LCLAT1: variants seen among roughly 807,000 people sequenced by gnomAD.
The protein encoded by LCLAT1 is lysocardiolipin acyltransferase 1.
LCLAT1 carries 11 observed loss-of-function variants against 30.7 expected under a neutral mutation model. The observed-to-expected ratio is 0.36, with a 90% CI of 0.23 to 0.59. LCLAT1 has a LOEUF of 0.59. LCLAT1 is among the 20% of genes least tolerant of loss of function. LCLAT1 has a pLI of 0.77. For missense variants in LCLAT1, 402 were observed against 458.6 expected, an observed-to-expected ratio of 0.88 and a Z score of 1.13; for synonymous variants, 155 against 151.3, an observed-to-expected ratio of 1.02 and a Z score of -0.18.
chr2:30,547,152 A>C (rs777423425), intron 3 of LCLAT1, among the ~76,000 whole-genome samples: 6 of 152,062 alleles, frequency 3.9e-5, no homozygotes, highest in Non-Finnish European at 7.4e-5. Context: ...CCTGGAATGA[A>C]TCTCTGCAGC....
chr2:30,451,508 G>T (rs1273166266), intron 1 of LCLAT1, among the ~76,000 whole-genome samples: 3 of 152,230 alleles, frequency 2.0e-5, no homozygotes, highest in South Asian at 2.1e-4. Flanking sequence ...TTGTACATCA[G>T]CAGTAGAATG....
intron 3 of LCLAT1, among the ~76,000 whole-genome samples, chr2:30,537,722 A>G (rs1020243777): frequency 2.6e-5 from 4 of 152,228 alleles, no homozygotes; most frequent in African/African-American, 9.6e-5. Context: ...AAACTGCATT[A>G]TAGACCAAGT....
At chr2:30,607,872 TGTGTGTGTGTGTGTGTGTGTGTGTG>T (rs1667531022) in intron 5 of LCLAT1, 1 of 110,340 alleles carries the variant, frequency 9.1e-6, no homozygotes, top group African/African-American at 4.3e-5. Context: ...TGTGTGTGTG[TGTGTGTGTGTGTGTGTGTGTGTGTG>T]TGTCTTAATT....
intron 1 of LCLAT1, among the ~76,000 whole-genome samples, chr2:30,494,565 TAC>T (rs10657216): frequency 1.3e-5 from 2 of 151,662 alleles, no homozygotes; most frequent in Non-Finnish European, 2.9e-5. Flanking sequence ...CATACGTGCA[TAC>T]ACACATGCAT....
At chr2:30,527,826 T>A (rs893366350) in intron 2 of LCLAT1, among the ~76,000 whole-genome samples, 10 of 152,136 alleles carry the variant, frequency 6.6e-5, no homozygotes, top group African/African-American at 2.4e-4. Flanking sequence ...TTAATTTTAG[T>A]TTTAGTTTTA....
intron 5 of LCLAT1, among the ~76,000 whole-genome samples, chr2:30,573,441 A>G (rs1011617455): frequency 3.3e-5 from 5 of 152,168 alleles, no homozygotes; most frequent in African/African-American, 1.2e-4. Context: ...TACTGGAGTA[A>G]GGTCTCACAG....
At position 30,552,435 on chromosome 2, in the gene LCLAT1, A is replaced by G. The variant is rs1057464006; in HGVS notation, c.365-9711A>G. 1.3e-4 allele frequency: 50 copies of G among 392,574 alleles called. 1 individual carries two copies. Among genetic ancestry groups the G allele is most frequent in the South Asian group, 9.2e-4 (50 of 54,456 alleles). The allele number at this position is 392,574 out of a possible 1,614,324, so 24.3% of individuals were successfully genotyped here. On this transcript the variant is annotated intron_variant, in intron 3 of 5. Coordinates refer to ENST00000379509, the MANE Select transcript of LCLAT1 (RefSeq NM_001002257.3). ...TATTTAGAATTAAGTTTGTTAGAGT[A>G]TTATGTAATTATTACTTGCTCATAT...
intron 1 of LCLAT1, among the ~76,000 whole-genome samples, chr2:30,493,443 A>C (rs1683931263): frequency 6.6e-6 from 1 of 152,234 alleles, no homozygotes; most frequent in Non-Finnish European, 1.5e-5. Flanking sequence ...TTCATGAGCT[A>C]AAAACTGTGG....
chr2:30,604,155 A>G (rs1312398190), intron 5 of LCLAT1, among the ~76,000 whole-genome samples: 1 of 152,130 alleles, frequency 6.6e-6, no homozygotes, highest in African/African-American at 2.4e-5. Flanking sequence ...AGCAGATGTA[A>G]TGAGTGTCAT....
chr2:30,583,989 G>A (rs1004021152), intron 5 of LCLAT1, among the ~76,000 whole-genome samples: 8 of 151,982 alleles, frequency 5.3e-5, no homozygotes, highest in African/African-American at 1.5e-4. Context: ...GTGGTTTGCC[G>A]CACCTGTTGA....
At chr2:30,570,168 A>G (rs1351663121) in intron 5 of LCLAT1, among the ~76,000 whole-genome samples, 1 of 152,186 alleles carries the variant, frequency 6.6e-6, no homozygotes, top group Non-Finnish European at 1.5e-5. Context: ...GTTAATGTAT[A>G]TTAGTCATCA....
At chr2:30,474,291 A>G (rs1008811344) in intron 1 of LCLAT1, among the ~76,000 whole-genome samples, 1 of 152,354 alleles carries the variant, frequency 6.6e-6, no homozygotes, top group Middle Eastern at 3.4e-3. Flanking sequence ...CCCATAGTCT[A>G]TACAGTGTTG....
rs1253055229 is a variant in LCLAT1, at chr2:30,640,199, A to T, written c.711A>T (p.Gly237=). The part of the protein sequence containing the change: ...IPQSEKHLLQ[G]DFPREIHFHV... ...AATCAGAGAAGCACCTCCTCCAAGG[A>T]GACTTTCCCAGGGAAATCCACTTTC... The change falls in exon 6 of 6, where the codon GGA becomes GGT. Residue 237 remains glycine, a synonymous_variant. Coordinates refer to ENST00000379509, the MANE Select transcript of LCLAT1 (RefSeq NM_001002257.3). 1 of 1,614,014 alleles carries T rather than the reference A, an allele frequency of 6.2e-7. No individual in the cohort carries two copies. Among genetic ancestry groups the T allele is most frequent in the Admixed American group, 1.7e-5 (1 of 60,008 alleles).
chr2:30,531,626 G>C (rs1037453071), intron 2 of LCLAT1, among the ~76,000 whole-genome samples: 1 of 152,140 alleles, frequency 6.6e-6, no homozygotes, highest in South Asian at 2.1e-4. Context: ...GGACCTATGG[G>C]ATATCTGTAG....
At chr2:30,633,138 G>A (rs1208943943) in intron 5 of LCLAT1, among the ~76,000 whole-genome samples, 2 of 152,096 alleles carry the variant, frequency 1.3e-5, no homozygotes, top group Non-Finnish European at 2.9e-5. Context: ...CCATGTCAAC[G>A]TGGCACAGTG....
chr2:30,589,175 G>A (rs1666578539), intron 5 of LCLAT1, among the ~76,000 whole-genome samples: 1 of 152,144 alleles, frequency 6.6e-6, no homozygotes, highest in Non-Finnish European at 1.5e-5. Flanking sequence ...TACAGACATA[G>A]TTCTTTCATG....
intron 5 of LCLAT1, chr2:30,607,169 G>A (rs894470536): frequency 1.3e-5 from 2 of 152,054 alleles, no homozygotes; most frequent in African/African-American, 2.4e-5. Flanking sequence ...TTGTGTAGCT[G>A]GGACTACAGG....
intron 5 of LCLAT1, among the ~76,000 whole-genome samples, chr2:30,629,202 CAAAT>C (rs1021788299): frequency 1.7e-4 from 26 of 152,228 alleles, no homozygotes; most frequent in East Asian, 9.6e-4. Flanking sequence ...AAGAAGATGA[CAAAT>C]AAATTATATT....
chr2:30,595,349 C>T (rs991325539), intron 5 of LCLAT1, among the ~76,000 whole-genome samples: 2 of 152,046 alleles, frequency 1.3e-5, no homozygotes, highest in Non-Finnish European at 2.9e-5. Flanking sequence ...TTCTCTTAGG[C>T]TTTAGTAATT....
Sources: gnomAD v4.1 joint callset for allele counts (sites outside exome capture counted in the v4.1 genomes callset) on GRCh38, gnomAD v4.1.1 for gene constraint, MANE v1.5 for transcripts, NCBI Gene and HGNC (gene_info 2026-07-23, HGNC 2026-07-21) for gene names.